The following GRM1 variants were observed in gnomAD, a reference collection of about 807,000 sequenced individuals.
GRM1 encodes metabotropic glutamate receptor 1.
A neutral mutation model predicts 90.9 loss-of-function variants in GRM1; 33 were observed. The observed-to-expected ratio is 0.36, with a 90% CI of 0.28 to 0.49. The LOEUF is 0.49. GRM1 is among the 20% of genes least tolerant of loss of function. The pLI is 0.99. For missense variants in GRM1, 1,190 were observed against 1,534.3 expected (o/e 0.78, Z 3.75); for synonymous variants, 700 against 613.2 (o/e 1.14, Z -2.09).
chr6:146,425,393 C>T (rs1778159540), intron 7 of GRM1, among the ~76,000 whole-genome samples: 1 of 152,206 alleles, frequency 6.6e-6, no homozygotes, highest in Admixed American at 6.5e-5. Flanking sequence ...TCTCCTCCTG[C>T]AATACCTCTT....
In GRM1 at chr6:146,399,471, A is replaced by G. The variant is rs1777076284; in HGVS notation, c.2432A>G (p.Lys811Arg). ...FVPIYFGSNY[K>R]IITTCFAVSL... The stretch of plus-strand genomic sequence containing the variant: ...CCCATTTACTTTGGGAGCAACTACA[A>G]GATCATCACAACTTGCTTTGCAGTG... The change falls in exon 7 of 8, where the codon AAG becomes AGG. Residue 811 changes from lysine to arginine, a missense_variant. By Grantham distance (26) the Lys-to-Arg change is conservative. This residue lies in a region of GRM1 where 73 missense variants were observed against 150.6 expected (regional missense o/e 0.48). Transcript: ENST00000282753. This position sits in a 1 kb window ranked among gnomAD's most constrained non-coding sequence, Gnocchi z 5.4. 2.5e-6 allele frequency: 4 copies of G among 1,614,068 alleles called. No individual in the cohort carries two copies. The highest frequency in any genetic ancestry group is 8.5e-7 in the Non-Finnish European group (1 of 1,180,006).
chr6:146,272,725 T>C (rs1358659718), intron 2 of GRM1, among the ~76,000 whole-genome samples: 2 of 152,198 alleles, frequency 1.3e-5, no homozygotes, highest in Non-Finnish European at 2.9e-5. Flanking sequence ...GAATTTCTAC[T>C]GGGGTCAAGA....
At chr6:146,269,185 G>A (rs752355344) in intron 2 of GRM1, among the ~76,000 whole-genome samples, 4 of 152,152 alleles carry the variant, frequency 2.6e-5, no homozygotes, top group Non-Finnish European at 5.9e-5. Flanking sequence ...TTAAGTAAAT[G>A]ATAGCATTAT....
intron 1 of GRM1, among the ~76,000 whole-genome samples, chr6:146,046,041 A>G (rs1791319472): frequency 6.6e-6 from 1 of 151,968 alleles, no homozygotes; most frequent in South Asian, 2.1e-4. Context: ...AACAACCTCC[A>G]TGACTCTGGA....
chr6:146,429,555 C>T (rs1035252741), intron 7 of GRM1, among the ~76,000 whole-genome samples: 7 of 152,204 alleles, frequency 4.6e-5, no homozygotes, highest in Middle Eastern at 3.4e-3. Flanking sequence ...CACTAGGGTA[C>T]CAGAGGGCTG....
intron 2 of GRM1, among the ~76,000 whole-genome samples, chr6:146,296,668 G>A (rs1047788118): frequency 6.6e-6 from 1 of 152,016 alleles, no homozygotes; most frequent in Non-Finnish European, 1.5e-5. Flanking sequence ...TGGATCCTAG[G>A]GATTTTCAAT....
intron 1 of GRM1, among the ~76,000 whole-genome samples, chr6:146,037,389 CA>C: frequency 6.6e-6 from 1 of 151,982 alleles, no homozygotes; most frequent in South Asian, 2.1e-4. Context: ...AAAAATAAAA[CA>C]AAATGACTTG....
chr6:146,161,572 C>T (rs1777728602), intron 2 of GRM1, among the ~76,000 whole-genome samples: 1 of 152,084 alleles, frequency 6.6e-6, no homozygotes, highest in African/African-American at 2.4e-5. Flanking sequence ...CTACTGGATT[C>T]CACATATCCG....
intron 2 of GRM1, among the ~76,000 whole-genome samples, chr6:146,274,470 T>C (rs547547216): frequency 3.9e-5 from 6 of 152,320 alleles, no homozygotes; most frequent in African/African-American, 1.4e-4. Flanking sequence ...ACATCTAATT[T>C]AGTTCCAAAA....
chr6:146,076,162 C>T (rs1182295339), intron 1 of GRM1, among the ~76,000 whole-genome samples: 1 of 152,082 alleles, frequency 6.6e-6, no homozygotes, highest in Non-Finnish European at 1.5e-5. Flanking sequence ...CTTCAGGGAG[C>T]TCATTTATCT....
chr6:146,130,772 C>T (rs929360400), intron 1 of GRM1, among the ~76,000 whole-genome samples: 3 of 152,136 alleles, frequency 2.0e-5, no homozygotes. Flanking sequence ...TAGGCTGTGA[C>T]ATTGTAGTGC....
chr6:146,310,603 G>C (rs966554713), intron 3 of GRM1, among the ~76,000 whole-genome samples: 1 of 152,132 alleles, frequency 6.6e-6, no homozygotes, highest in Non-Finnish European at 1.5e-5. Flanking sequence ...GTAGAGTTTT[G>C]TTCCCTACCT....
chr6:146,365,644 A>G (rs904223009), intron 5 of GRM1: 1 of 152,192 alleles, frequency 6.6e-6, no homozygotes, highest in Non-Finnish European at 1.5e-5. Context: ...AATGCAGGGT[A>G]CTCATCCTAC....
At chr6:146,054,927 G>T (rs891609712) in intron 1 of GRM1, among the ~76,000 whole-genome samples, 5 of 151,920 alleles carry the variant, frequency 3.3e-5, no homozygotes, top group African/African-American at 1.2e-4. Context: ...GCAGGGGTGG[G>T]TGTGGAGGGC....
intron 2 of GRM1, among the ~76,000 whole-genome samples, chr6:146,189,574 G>A (rs1778864670): frequency 6.6e-6 from 1 of 152,034 alleles, no homozygotes; most frequent in Non-Finnish European, 1.5e-5. Flanking sequence ...ACATGTTAGA[G>A]GTCTTTATAT....
chr6:146,346,419 T>C lies in GRM1; in HGVS notation c.1187-5831T>C, dbSNP rs539273113. Among the ~76,000 whole-genome samples the C allele has an allele frequency of 4.7e-4, 71 of 152,348 alleles. 1 individual carries two copies. In the Middle Eastern group the frequency reaches 0.014, roughly 29 times the overall value. On this transcript the variant is annotated intron_variant, in intron 3 of 7. Transcript: ENST00000282753. ...TCTTCTATCCTACATAGCAGTTAATTTACATTTTAATAAACTGAATAGAAA... is the reference window on the plus strand; with the variant it reads ...TCTTCTATCCTACATAGCAGTTAATCTACATTTTAATAAACTGAATAGAAA...
chr6:146,340,857 T>C (rs1784948410), intron 3 of GRM1, among the ~76,000 whole-genome samples: 1 of 152,186 alleles, frequency 6.6e-6, no homozygotes, highest in South Asian at 2.1e-4. Flanking sequence ...AAGCCACATT[T>C]CTAACCTCAC....
intron 6 of GRM1, among the ~76,000 whole-genome samples, chr6:146,392,983 C>T (rs1289444525): frequency 2.0e-5 from 3 of 152,056 alleles, no homozygotes; most frequent in Non-Finnish European, 4.4e-5. Context: ...GTGAATAGTG[C>T]TGTGATACAT....
chr6:146,224,039 C>A (rs899138055), intron 2 of GRM1, among the ~76,000 whole-genome samples: 1 of 152,006 alleles, frequency 6.6e-6, no homozygotes, highest in African/African-American at 2.4e-5. Flanking sequence ...ATAATTTGGG[C>A]CCTCCAGAAA....
Sources: gnomAD v4.1 joint callset for allele counts (sites outside exome capture counted in the v4.1 genomes callset) on GRCh38, gnomAD v4.1.1 for gene constraint, gnomAD v4.1.1 regional missense constraint, Gnocchi (gnomAD v3.1) non-coding constraint, MANE v1.5 for transcripts, NCBI Gene and HGNC (gene_info 2026-07-23, HGNC 2026-07-21) for gene names.